CGGBP1: variants seen among roughly 807,000 people sequenced by gnomAD.
CGGBP1 encodes CGG triplet repeat-binding protein 1.
A neutral mutation model predicts 11.4 loss-of-function variants in CGGBP1; 4 were observed. That is an observed-to-expected ratio of 0.35 (90% CI 0.17 to 0.80). The LOEUF is 0.80. Ranked by LOEUF, CGGBP1 falls within the 30% of genes least tolerant of loss-of-function variation. The probability of loss-of-function intolerance (pLI) is 0.52; values close to 1 mark genes in which losing one functional copy is unlikely to be tolerated. For synonymous variants in CGGBP1, 76 were observed against 74.1 expected (o/e 1.03, Z -0.13); for missense variants, 135 against 202.1 (o/e 0.67, Z 2.01).
chr3:88,130,013 A>T (rs1180856898), intron 2 of CGGBP1, among the ~76,000 whole-genome samples: 4 of 152,242 alleles, frequency 2.6e-5, no homozygotes, highest in Non-Finnish European at 4.4e-5. Context: ...ATGTGCCACT[A>T]AACTGATAGT....
At chr3:88,117,995 A>G (rs758499441) in intron 2 of CGGBP1, among the ~76,000 whole-genome samples, 5 of 152,150 alleles carry the variant, frequency 3.3e-5, no homozygotes, top group Non-Finnish European at 7.4e-5. Flanking sequence ...AATTAAGAGA[A>G]ACATAGATGT....
At chr3:88,056,732 TTC>T (rs1706551782) in intron 3 of CGGBP1, 1 of 20,564 alleles carries the variant, frequency 4.9e-5, no homozygotes. Context: ...TAATACTTAC[TTC>T]ACTTAACTAG....
intron 2 of CGGBP1, among the ~76,000 whole-genome samples, chr3:88,108,749 G>A (rs1350844127): frequency 6.6e-6 from 1 of 151,960 alleles, no homozygotes; most frequent in African/African-American, 2.4e-5. Context: ...AAAGCCAAGA[G>A]TAGTGATGCC....
At chr3:88,095,069 A>G (rs1396453272) in intron 2 of CGGBP1, among the ~76,000 whole-genome samples, 1 of 152,136 alleles carries the variant, frequency 6.6e-6, no homozygotes, top group East Asian at 1.9e-4. Flanking sequence ...AGCAAATCAT[A>G]TATTTTTAGT....
At chr3:88,099,185 C>G (rs1293850944) in intron 2 of CGGBP1, among the ~76,000 whole-genome samples, 2 of 152,128 alleles carry the variant, frequency 1.3e-5, no homozygotes, top group Non-Finnish European at 2.9e-5. Context: ...TTCCTCTACA[C>G]CAATAACAGA....
chr3:88,071,664 C>T (rs550359883), intron 2 of CGGBP1, among the ~76,000 whole-genome samples: 169 of 151,662 alleles, frequency 1.1e-3, no homozygotes, highest in African/African-American at 3.9e-3. Flanking sequence ...ATTAGCCGGG[C>T]GTGGTGGCGG....
chr3:88,080,439 C>G (rs186365408), intron 2 of CGGBP1, among the ~76,000 whole-genome samples: 1 of 151,990 alleles, frequency 6.6e-6, no homozygotes, highest in Admixed American at 6.6e-5. Context: ...CAGGAATTAT[C>G]CTATATTTTA....
rs80019387 is a variant in CGGBP1, at chr3:88,054,025, T to C, written c.*1448A>G. On this transcript the variant is annotated 3_prime_UTR_variant, in exon 4 of 4. Transcript: ENST00000482016. Reference sequence around the variant, plus strand: ...AAGTCTGTAAAAAAATCTTAAGACATGGAAAGCTGTTACTGAAAAATACAC... The same window carrying C: ...AAGTCTGTAAAAAAATCTTAAGACACGGAAAGCTGTTACTGAAAAATACAC... The C allele has an allele frequency of 0.028, 4,267 of 152,670 alleles. 99 individuals are homozygous for C. Among genetic ancestry groups the C allele is most frequent in the Non-Finnish European group, 0.043 (2,956 of 67,976 alleles). 9.5% of individuals were successfully genotyped at this position (152,670 alleles called of 1,614,324 possible). A position where few individuals can be genotyped will look rare whatever the true frequency, so the allele number is the denominator to read the frequency against.
chr3:88,068,675 G>A (rs1707335605), intron 2 of CGGBP1, among the ~76,000 whole-genome samples: 1 of 152,074 alleles, frequency 6.6e-6, no homozygotes, highest in Non-Finnish European at 1.5e-5. Flanking sequence ...AACTCATTTT[G>A]AATGCTTTCC....
intron 2 of CGGBP1, among the ~76,000 whole-genome samples, chr3:88,085,117 T>A (rs1329942730): frequency 2.6e-5 from 4 of 152,226 alleles, no homozygotes. Flanking sequence ...CATGGAAAAT[T>A]GTCTCCCAGT....
intron 2 of CGGBP1, among the ~76,000 whole-genome samples, chr3:88,091,274 A>T (rs1312522848): frequency 6.6e-6 from 1 of 152,232 alleles, no homozygotes; most frequent in Non-Finnish European, 1.5e-5. Context: ...TTCCTTAAAG[A>T]ACTGGCTACG....
chr3:88,085,789 T>G (rs1393548679), intron 2 of CGGBP1, among the ~76,000 whole-genome samples: 2 of 152,202 alleles, frequency 1.3e-5, no homozygotes, highest in Non-Finnish European at 2.9e-5. Flanking sequence ...AGGTTAAATA[T>G]TCATAATCAG....
chr3:88,069,929 C>G (rs921367135), intron 2 of CGGBP1, among the ~76,000 whole-genome samples: 15 of 152,186 alleles, frequency 9.9e-5, no homozygotes, highest in African/African-American at 3.6e-4. Flanking sequence ...CCTTGAATAT[C>G]TGGAAATCCT....
chr3:88,097,275 GC>G (rs1037300215), intron 2 of CGGBP1, among the ~76,000 whole-genome samples: 13 of 151,954 alleles, frequency 8.6e-5, no homozygotes, highest in Admixed American at 2.0e-4. Flanking sequence ...GGTAGATGCT[GC>G]CAAATTTCCT....
chr3:88,079,339 T>TA (rs1303149509), intron 2 of CGGBP1, among the ~76,000 whole-genome samples: 1 of 152,068 alleles, frequency 6.6e-6, no homozygotes, highest in African/African-American at 2.4e-5. Context: ...GAGAAATAGT[T>TA]AAAATGGATG....
Position 88,147,714 on chromosome 3 carries a change from T to C in CGGBP1, c.-338+1997A>G, listed in dbSNP as rs747357807. 5.9e-5 allele frequency among the ~76,000 whole-genome samples: 9 copies of C among 152,216 alleles called. 1 individual carries two copies. The South Asian group carries it at 8.3e-4, about 14-fold the overall frequency. On this transcript the variant is annotated intron_variant, in intron 1 of 3. Coordinates refer to the CGGBP1 transcript ENST00000462901. ...CTGTATTGGACAGCAAAAAACATTT[T>C]CACCATCTCGAAAAGCATCTTGACA...
At chr3:88,139,652 C>A in intron 2 of CGGBP1, 1 of 1,611,648 alleles carries the variant, frequency 6.2e-7, no homozygotes, top group South Asian at 1.1e-5. Context: ...TGGCTGAATT[C>A]ATTGAAATTC....
rs1268398024 is a variant in CGGBP1, at chr3:88,052,640, T to G, written c.*2833A>C. 6.6e-6 allele frequency: 1 copy of G among 152,426 alleles called. No individual in the cohort carries two copies. Among genetic ancestry groups the G allele is most frequent in the Admixed American group, 6.5e-5 (1 of 15,294 alleles). 9.4% of individuals were successfully genotyped at this position (152,426 alleles called of 1,614,324 possible). On this transcript the variant is annotated 3_prime_UTR_variant, in exon 4 of 4. Coordinates refer to ENST00000482016, the MANE Select transcript of CGGBP1 (RefSeq NM_001008390.2). ...TCTCAAGCTTAATTGGTTACCATTATAAGATGCAGAACTTTTTAATGTTTT... is the reference window on the plus strand; with the variant it reads ...TCTCAAGCTTAATTGGTTACCATTAGAAGATGCAGAACTTTTTAATGTTTT...
intron 2 of CGGBP1, among the ~76,000 whole-genome samples, chr3:88,137,250 G>T (rs1269929180): frequency 7.2e-6 from 1 of 138,984 alleles, no homozygotes; most frequent in East Asian, 2.2e-4. Flanking sequence ...GAAAGAAAAC[G>T]AATTCTGTTT....
Sources: allele counts gnomAD v4.1 joint callset (sites outside exome capture counted in the v4.1 genomes callset), GRCh38; gene constraint gnomAD v4.1.1; transcripts MANE v1.5; gene names NCBI Gene and HGNC (gene_info 2026-07-23, HGNC 2026-07-21).